KIAA1328: variants seen among roughly 807,000 people sequenced by gnomAD.
KIAA1328 encodes the protein protein hinderin.
A neutral mutation model predicts 68.1 loss-of-function variants in KIAA1328; 52 were observed. The observed-to-expected ratio is 0.76, with a 90% CI of 0.61 to 0.96. KIAA1328 has a LOEUF of 0.96. Ranked by LOEUF, KIAA1328 falls within the 40% of genes least tolerant of loss-of-function variation. KIAA1328 has a pLI of 0.00. For synonymous variants in KIAA1328, 232 were observed against 239.4 expected (o/e 0.97, Z 0.28); for missense variants, 641 against 677.6 (o/e 0.95, Z 0.60).
intron 4 of KIAA1328, among the ~76,000 whole-genome samples, chr18:36,884,048 T>C (rs1457230934): frequency 6.6e-6 from 1 of 150,782 alleles, no homozygotes; most frequent in African/African-American, 2.4e-5. Flanking sequence ...TAAAATTGTC[T>C]AGTCTAGCCT....
intron 5 of KIAA1328, among the ~76,000 whole-genome samples, chr18:36,890,945 A>G (rs1048340084): frequency 1.9e-4 from 29 of 152,198 alleles, no homozygotes; most frequent in African/African-American, 7.0e-4. Flanking sequence ...TCAGCCTCAT[A>G]AAGAAGAGCC....
At chr18:37,221,759 C>G (rs1440516988) in intron 9 of KIAA1328, among the ~76,000 whole-genome samples, 1 of 152,154 alleles carries the variant, frequency 6.6e-6, no homozygotes, top group Non-Finnish European at 1.5e-5. Context: ...ACTCTTCCCA[C>G]TCTACAATCT....
chr18:37,213,705 A>G (rs1599612174), intron 9 of KIAA1328, among the ~76,000 whole-genome samples: 1 of 152,156 alleles, frequency 6.6e-6, no homozygotes, highest in East Asian at 1.9e-4. Context: ...CTAGTTCTAG[A>G]TCCTTGAGGA....
chr18:37,011,361 G>C (rs1446989770), intron 6 of KIAA1328, among the ~76,000 whole-genome samples: 2 of 151,976 alleles, frequency 1.3e-5, no homozygotes, highest in African/African-American at 4.8e-5. Flanking sequence ...AAAAGGCTTT[G>C]GAGTCATAAT....
At chr18:37,152,131 G>GA (rs1334975527) in intron 7 of KIAA1328, among the ~76,000 whole-genome samples, 1 of 145,812 alleles carries the variant, frequency 6.9e-6, no homozygotes, top group Non-Finnish European at 1.5e-5. Context: ...ATTAGCAAGA[G>GA]AAAAACAAAC....
At chr18:37,137,676 T>C (rs1164217178) in intron 7 of KIAA1328, among the ~76,000 whole-genome samples, 1 of 152,220 alleles carries the variant, frequency 6.6e-6, no homozygotes, top group Non-Finnish European at 1.5e-5. Flanking sequence ...CTATTGGAGA[T>C]TATTTCTCTG....
At chr18:36,892,176 A>G (rs146145514) in intron 5 of KIAA1328, among the ~76,000 whole-genome samples, 3 of 152,296 alleles carry the variant, frequency 2.0e-5, no homozygotes, top group African/African-American at 7.2e-5. Flanking sequence ...AAGCTGTATC[A>G]TAGATCTCGG....
At chr18:37,212,864 G>A (rs185342177) in intron 9 of KIAA1328, among the ~76,000 whole-genome samples, 258 of 152,250 alleles carry the variant, frequency 1.7e-3, no homozygotes, top group Middle Eastern at 3.4e-3. Flanking sequence ...GGGACTACAG[G>A]CACGAGCCCC....
intron 7 of KIAA1328, among the ~76,000 whole-genome samples, chr18:37,147,371 A>G (rs891061945): frequency 6.6e-6 from 1 of 152,018 alleles, no homozygotes; most frequent in Non-Finnish European, 1.5e-5. Flanking sequence ...GACTGTGGTT[A>G]ACATTTTGTT....
In KIAA1328 at chr18:37,224,044, G is replaced by A. The variant is rs1250830177; in HGVS notation, c.*1817G>A. On this transcript the variant is annotated 3_prime_UTR_variant, in exon 10 of 10. Transcript: ENST00000280020. ...CCTTTGGAGTGTGGAGCTTTCTGTG[G>A]TATGGCAGAAATGGGTGGATGGCAA... 1.0e-6 allele frequency: 1 copy of A among 985,214 alleles called. No homozygotes were observed. The highest frequency in any genetic ancestry group is 1.7e-5 in the African/African-American group (1 of 57,198). The allele number at this position is 985,214 out of a possible 1,614,324, so 61.0% of individuals were successfully genotyped here. A position where few individuals can be genotyped will look rare whatever the true frequency, so the allele number is the denominator to read the frequency against.
intron 6 of KIAA1328, among the ~76,000 whole-genome samples, chr18:37,053,707 T>C (rs2055795042): frequency 6.6e-6 from 1 of 152,074 alleles, no homozygotes; most frequent in Non-Finnish European, 1.5e-5. Flanking sequence ...AGCAAACATA[T>C]CCTTCTTCAC....
At chr18:36,890,550 G>A (rs1274310166) in intron 5 of KIAA1328, among the ~76,000 whole-genome samples, 3 of 151,928 alleles carry the variant, frequency 2.0e-5, no homozygotes, top group Admixed American at 6.6e-5. Flanking sequence ...GTGTGCCTGT[G>A]GTCCCAACTA....
chr18:37,055,218 T>TA (rs1221886173), intron 6 of KIAA1328, among the ~76,000 whole-genome samples: 8 of 152,308 alleles, frequency 5.3e-5, no homozygotes, highest in African/African-American at 1.9e-4. Flanking sequence ...TTGATATCTA[T>TA]ATGTTAAATG....
chr18:37,053,568 GTTCA>G (rs2151675607), intron 6 of KIAA1328, among the ~76,000 whole-genome samples: 1 of 152,196 alleles, frequency 6.6e-6, no homozygotes, highest in African/African-American at 2.4e-5. Context: ...AATAGTATTA[GTTCA>G]TTTTCACAGT....
At chr18:36,956,279 C>G (rs1317902862) in intron 5 of KIAA1328, among the ~76,000 whole-genome samples, 1 of 152,210 alleles carries the variant, frequency 6.6e-6, no homozygotes, top group Admixed American at 6.5e-5. Context: ...AATGACTGCT[C>G]TGTCTTCCAC....
At chr18:36,852,066 T>G (rs1045114899) in intron 4 of KIAA1328, among the ~76,000 whole-genome samples, 1 of 152,186 alleles carries the variant, frequency 6.6e-6, no homozygotes, top group Non-Finnish European at 1.5e-5. Context: ...GTGTGTTAAT[T>G]TCCACATATT....
intron 7 of KIAA1328, among the ~76,000 whole-genome samples, chr18:37,118,979 A>T (rs1182785486): frequency 6.6e-6 from 1 of 152,182 alleles, no homozygotes; most frequent in African/African-American, 2.4e-5. Context: ...TTTTCTCAAG[A>T]CAGCTGCTTT....
chr18:37,202,224 A>G (rs1450365044), intron 9 of KIAA1328, among the ~76,000 whole-genome samples: 1 of 152,220 alleles, frequency 6.6e-6, no homozygotes, highest in African/African-American at 2.4e-5. Context: ...CCAAAAAAAC[A>G]AATATAAAAA....
At chr18:37,100,770 C>G (rs2057586994) in intron 7 of KIAA1328, among the ~76,000 whole-genome samples, 1 of 152,184 alleles carries the variant, frequency 6.6e-6, no homozygotes, top group South Asian at 2.1e-4. Context: ...AGGCACCCCC[C>G]AGTAGGGGCA....
Sources: allele counts gnomAD v4.1 joint callset (sites outside exome capture counted in the v4.1 genomes callset), GRCh38; gene constraint gnomAD v4.1.1; transcripts MANE v1.5; gene names NCBI Gene and HGNC (gene_info 2026-07-23, HGNC 2026-07-21).